Variants in PITX3 observed in about 807,000 individuals in gnomAD.
PITX3 encodes the protein pituitary homeobox 3.
A neutral mutation model predicts 14.2 loss-of-function variants in PITX3; 4 were observed. The ratio of observed to expected loss-of-function variants is 0.28; its 90% CI spans 0.14 to 0.65. The LOEUF (loss-of-function observed/expected upper bound fraction) is 0.65, where lower values mean the gene tolerates loss of function less well. Among genes scored for constraint, PITX3 ranks in the 30% least tolerant of loss-of-function variants. The probability of loss-of-function intolerance (pLI) is 0.82; values close to 1 mark genes in which losing one functional copy is unlikely to be tolerated. For synonymous variants in PITX3, 194 were observed against 204.5 expected (o/e 0.95, Z 0.44); for missense variants, 358 against 426.8 (o/e 0.84, Z 1.42).
At chr10:102,236,517 C>A (rs1247802700) in intron 1 of PITX3, among the ~76,000 whole-genome samples, 1 of 152,152 alleles carries the variant, frequency 6.6e-6, no homozygotes, top group Admixed American at 6.5e-5. Context: ...TACAGGTATG[C>A]TCTGATTCTG....
At chr10:102,240,857 C>T (rs984285231) in intron 1 of PITX3, among the ~76,000 whole-genome samples, 1 of 152,246 alleles carries the variant, frequency 6.6e-6, no homozygotes, top group Admixed American at 6.5e-5. Context: ...GAAGCGTGTG[C>T]GACCAGGCGC....
chr10:102,231,084 C>A lies in PITX3; in HGVS notation c.339G>T (p.Arg113=). ...EARVRVWFKN[R]RAKWRKRERS... is the part of the protein sequence containing the mutation. ...GCTCGCGCTTCCGCCATTTGGCGCG[C>A]CGGTTCTTGAACCACACCTGCGGGC... The change falls in exon 4 of 4, where the codon CGG becomes CGT. Residue 113 remains arginine (R), a synonymous_variant. Coordinates refer to ENST00000370002, the MANE Select transcript of PITX3 (RefSeq NM_005029.4). 1 of 1,560,270 alleles carries A rather than the reference C, an allele frequency of 6.4e-7. No homozygotes were observed. The highest frequency in any genetic ancestry group is 2.3e-5 in the East Asian group (1 of 43,552).
Position 102,230,713 on chromosome 10 carries a change from C to A in PITX3, c.710G>T (p.Cys237Phe). Residue 237 changes from cysteine (C) to phenylalanine (F), a missense_variant, in exon 4 of 4, where the codon TGC (cysteine) becomes TTC (phenylalanine). Around this residue, in one of 3 missense-constraint regions of PITX3, gnomAD observed 236 missense variants for 250.2 expected, o/e 0.94. Coordinates refer to ENST00000370002, the MANE Select transcript of PITX3 (RefSeq NM_005029.4). ...GGCGGCGGCGGCCGAGGCATAAGGG[C>A]AGGACACGGCCCCGGAGGACACGGC... ...PAAVSSGAVS[C>F]PYASAAAAAA... 6.5e-7 allele frequency: 1 copy of A among 1,547,240 alleles called. No homozygotes were observed. The highest frequency in any genetic ancestry group is 2.5e-5 in the East Asian group (1 of 40,628).
intron 1 of PITX3, among the ~76,000 whole-genome samples, chr10:102,237,462 A>G (rs897511320): frequency 1.3e-5 from 2 of 152,108 alleles, no homozygotes; most frequent in Non-Finnish European, 2.9e-5. Flanking sequence ...AACGAGTCAA[A>G]CCGAGGGGGC....
At chr10:102,236,240 A>T (rs996218273) in intron 1 of PITX3, among the ~76,000 whole-genome samples, 10 of 152,200 alleles carry the variant, frequency 6.6e-5, no homozygotes, top group Non-Finnish European at 1.2e-4. Context: ...GTTGGGACTG[A>T]GGCCAGGGAC....
Position 102,241,155 on chromosome 10 carries a change from C to T in PITX3, c.-13+178G>A, listed in dbSNP as rs2070525725. ...CCCCTTCCCTATCCCCTGGTTCTTA[C>T]CCTGAGTTTCCCTTTTCCCAAGTCC... On this transcript the variant is annotated intron_variant, in intron 1 of 3. Transcript: ENST00000370002. The surrounding 1 kb of genome is among the most constrained non-coding windows in gnomAD (Gnocchi z 6.7). Among the ~76,000 whole-genome samples, 1 of 152,186 alleles carries T rather than the reference C, an allele frequency of 6.6e-6. No homozygotes were observed. The highest frequency in any genetic ancestry group is 2.4e-5 in the African/African-American group (1 of 41,456).
At chr10:102,238,037 A>G (rs1219114022) in intron 1 of PITX3, among the ~76,000 whole-genome samples, 1 of 152,166 alleles carries the variant, frequency 6.6e-6, no homozygotes, top group African/African-American at 2.4e-5. Flanking sequence ...GAAAGGAGAA[A>G]CTATTAACTG....
chr10:102,238,205 A>G (rs2070451300), intron 1 of PITX3, among the ~76,000 whole-genome samples: 1 of 152,100 alleles, frequency 6.6e-6, no homozygotes, highest in South Asian at 2.1e-4. Flanking sequence ...GTGGCCATGG[A>G]CACCCTAGAC....
At position 102,238,232 on chromosome 10, in the gene PITX3, C is replaced by A. The variant is rs532768630; in HGVS notation, c.-13+3101G>T. Among the ~76,000 whole-genome samples the A allele has an allele frequency of 3.3e-5, 5 of 152,282 alleles. No individual in the cohort carries two copies. The South Asian group carries it at 8.3e-4, about 25-fold the overall frequency. Reference sequence around the variant, plus strand: ...ACCCTAGACACCCCAAAGCTCAGGACCTAATGGATCCTTCAGGTTAGTCTA... The same window carrying A: ...ACCCTAGACACCCCAAAGCTCAGGAACTAATGGATCCTTCAGGTTAGTCTA... On this transcript the variant is annotated intron_variant, in intron 1 of 3. Coordinates refer to ENST00000370002, the MANE Select transcript of PITX3 (RefSeq NM_005029.4).
rs1459467290 is a variant in PITX3, at chr10:102,235,184, C to CT, written c.-12-3093_-12-3092insA. 2.1e-5 allele frequency among the ~76,000 whole-genome samples: 3 copies of CT among 143,126 alleles called. 1 individual carries two copies. The highest frequency in any genetic ancestry group is 4.6e-5 in the Non-Finnish European group (3 of 65,090). The allele number at this position is 143,126 out of a possible 152,430, so 93.9% of individuals were successfully genotyped here. A position where few individuals can be genotyped will look rare whatever the true frequency, so the allele number is the denominator to read the frequency against. On this transcript the variant is annotated intron_variant, in intron 1 of 3. Coordinates refer to ENST00000370002, the MANE Select transcript of PITX3 (RefSeq NM_005029.4). ...TTACCCTTCCCCCACCCCCCACCCC[C>CT]CCACCGCCTCCCTGGCCCCTCTGAA... is the stretch of plus-strand genomic sequence containing the variant.
In PITX3 at chr10:102,238,343, G is replaced by A. The variant is rs78072126; in HGVS notation, c.-13+2990C>T. Reference sequence around the variant, plus strand: ...CCACAAGTCAGCTCTAGCCTGCTGCGTTTGCCCTCCCGTCCTGAACCTGAG... The same window carrying A: ...CCACAAGTCAGCTCTAGCCTGCTGCATTTGCCCTCCCGTCCTGAACCTGAG... On this transcript the variant is annotated intron_variant, in intron 1 of 3. Transcript: ENST00000370002. 1.4e-3 allele frequency among the ~76,000 whole-genome samples: 216 copies of A among 152,290 alleles called. 4 individuals are homozygous for A. The East Asian group carries it at 0.038, about 27-fold the overall frequency.
chr10:102,236,119 C>T (rs1280621638), intron 1 of PITX3, among the ~76,000 whole-genome samples: 5 of 152,264 alleles, frequency 3.3e-5, no homozygotes, highest in Admixed American at 2.6e-4. Context: ...GACTCACGTC[C>T]GGGTGGGCTG....
rs745954270 is a variant in PITX3, at chr10:102,230,993, A to G, written c.430T>C (p.Tyr144His). The G allele has an allele frequency of 6.2e-7, 1 of 1,602,744 alleles. No individual in the cohort carries two copies. The highest frequency in any genetic ancestry group is 1.1e-5 in the South Asian group (1 of 89,944). ...GAGTAGCCGGGGTACACCTCCTCGTAGGGCGGCACCAGCCCCCCGAGCGGC... is the reference window on the plus strand; with the variant it reads ...GAGTAGCCGGGGTACACCTCCTCGTGGGGCGGCACCAGCCCCCCGAGCGGC... ...AAPLGGLVPP[Y>H]EEVYPGYSYG... Residue 144 changes from tyrosine to histidine, a missense_variant, in exon 4 of 4, where the codon TAC (tyrosine) becomes CAC (histidine). Tyr to His is a moderately conservative substitution (Grantham distance 83). Transcript: ENST00000370002.
chr10:102,235,183 C>T (rs1239066678), intron 1 of PITX3, among the ~76,000 whole-genome samples: 1 of 129,310 alleles, frequency 7.7e-6, no homozygotes, highest in African/African-American at 3.3e-5. Context: ...CCCCCCACCC[C>T]CCCACCGCCT....
At chr10:102,238,674 C>G (rs745746406) in intron 1 of PITX3, among the ~76,000 whole-genome samples, 20 of 152,214 alleles carry the variant, frequency 1.3e-4, no homozygotes, top group Non-Finnish European at 2.2e-4. Flanking sequence ...AGGGCCTTCA[C>G]AGACATAATT....
rs770968497 is a variant in PITX3 at position 102,230,888 on chromosome 10, C to T, written c.535G>A (p.Val179Met). The T allele has an allele frequency of 5.0e-6, 8 of 1,610,344 alleles. No individual in the cohort carries two copies. In the African/African-American group the frequency reaches 9.4e-5, roughly 19 times the overall value. The change falls in exon 4 of 4, where the codon GTG becomes ATG. Residue 179 changes from valine (V) to methionine (M), a missense_variant. By Grantham distance (21) the Val-to-Met change is conservative. Around this residue, in one of 3 missense-constraint regions of PITX3, gnomAD observed 236 missense variants for 250.2 expected, o/e 0.94. Transcript: ENST00000370002. ...ACGGGCTGCGAAGCCAGAGGCCCCACGTTGACCGAGTTGAAGGCGAATGGA... is the reference window on the plus strand; with the variant it reads ...ACGGGCTGCGAAGCCAGAGGCCCCATGTTGACCGAGTTGAAGGCGAATGGA... ...TFPFAFNSVNVGPLASQPVFS... is the reference protein window; with the variant it reads ...TFPFAFNSVNMGPLASQPVFS...
chr10:102,231,835 G>A (rs2133798516), intron 2 of PITX3, 45 bp from the exon 3 acceptor site: 5 of 1,590,956 alleles, frequency 3.1e-6, no homozygotes, highest in Admixed American at 1.7e-5. Context: ...CCAAGCCAGC[G>A]CATATTCTCC....
intron 1 of PITX3, among the ~76,000 whole-genome samples, chr10:102,234,059 C>T (rs1163655025): frequency 6.6e-6 from 1 of 152,214 alleles, no homozygotes; most frequent in Non-Finnish European, 1.5e-5. Context: ...CTCTGCCTCT[C>T]TCACCCCTTC....
intron 1 of PITX3, among the ~76,000 whole-genome samples, chr10:102,235,631 CCTCA>C: frequency 6.6e-6 from 1 of 151,678 alleles, no homozygotes; most frequent in East Asian, 1.9e-4. Context: ...AGTTTTTTTT[CCTCA>C]CTCATTAAAC....
Sources: gnomAD v4.1 joint callset for allele counts (sites outside exome capture counted in the v4.1 genomes callset) on GRCh38, gnomAD v4.1.1 for gene constraint, gnomAD v4.1.1 regional missense constraint, Gnocchi (gnomAD v3.1) non-coding constraint, MANE v1.5 for transcripts, NCBI Gene and HGNC (gene_info 2026-07-23, HGNC 2026-07-21) for gene names.